Variants in CDC27 observed in about 807,000 individuals in gnomAD.
The protein encoded by CDC27 is cell division cycle protein 27 homolog.
A neutral mutation model predicts 109.7 loss-of-function variants in CDC27; 27 were observed. That is an observed-to-expected ratio of 0.25 (90% CI 0.18 to 0.34). The LOEUF is 0.34. CDC27 is among the 10% of genes least tolerant of loss of function. CDC27 has a pLI of 1.00. For synonymous variants in CDC27, 266 were observed against 333.9 expected (o/e 0.80, Z 2.22); for missense variants, 579 against 960.2 (o/e 0.60, Z 5.25).
In CDC27 at chr17:47,181,613, G is replaced by A. The variant is rs1208260657; in HGVS notation, c.52C>T (p.His18Tyr). ...AAAACCGCATCTCGGTAAGCATAGTGGTTTAGTGCTTGCCATATAGCAGCC... is the reference window on the plus strand; with the variant it reads ...AAAACCGCATCTCGGTAAGCATAGTAGTTTAGTGCTTGCCATATAGCAGCC... ...VQAAIWQALN[H>Y]YAYRDAVFLA... Residue 18 changes from histidine to tyrosine, a missense_variant, in exon 2 of 19, where the codon CAC (histidine) becomes TAC (tyrosine). By Grantham distance (83) the His-to-Tyr change is moderately conservative. Coordinates refer to ENST00000066544, the MANE Select transcript of CDC27 (RefSeq NM_001256.6). 1 of 1,606,404 alleles carries A rather than the reference G, an allele frequency of 6.2e-7. No homozygotes were observed. Among genetic ancestry groups the A allele is most frequent in the South Asian group, 1.1e-5 (1 of 90,308 alleles).
intron 1 of CDC27, 43 bp downstream of exon 1, chr17:47,189,103 C>T: frequency 1.2e-6 from 2 of 1,605,668 alleles, no homozygotes; most frequent in Non-Finnish European, 1.7e-6. Context: ...TGCTTCCCGA[C>T]CGAGGCTGCC....
chr17:47,151,739 A>C, intron 9 of CDC27, 67 bp downstream of exon 9: 1 of 1,280,892 alleles, frequency 7.8e-7, no homozygotes, highest in South Asian at 1.7e-5. Flanking sequence ...CTATCTGCCT[A>C]AATTAAAGAA....
At chr17:47,163,471 TGC>T (rs1337402170) in intron 4 of CDC27, among the ~76,000 whole-genome samples, 1 of 152,110 alleles carries the variant, frequency 6.6e-6, no homozygotes, top group Non-Finnish European at 1.5e-5. Context: ...GAGGCTGAGG[TGC>T]CAGGACTGCT....
chr17:47,175,033 GAGAGAGAGGAAGGAAGGA>G, intron 2 of CDC27, among the ~76,000 whole-genome samples: 1 of 141,204 alleles, frequency 7.1e-6, no homozygotes, highest in South Asian at 2.3e-4. Flanking sequence ...GAGAGAAAGA[GAGAGAGAGGAAGGAAGGA>G]AGGAAGGAAG....
intron 4 of CDC27, among the ~76,000 whole-genome samples, chr17:47,165,358 T>C (rs2063612609): frequency 6.6e-6 from 1 of 152,228 alleles, no homozygotes; most frequent in Non-Finnish European, 1.5e-5. Context: ...CACTTGGTAT[T>C]GTCAGTAGTT....
At chr17:47,158,335 T>C (rs773522254) in intron 4 of CDC27, 32 bp from the exon 5 acceptor site, 8 of 1,164,752 alleles carry the variant, frequency 6.9e-6, no homozygotes, top group Non-Finnish European at 9.6e-6. Context: ...TTAAATAAGC[T>C]ACAAACCCCA....
chr17:47,158,060 TCTAA>T (rs2063372077), intron 5 of CDC27, 142 bp downstream of exon 5: 3 of 413,960 alleles, frequency 7.2e-6, no homozygotes, highest in Non-Finnish European at 1.3e-5. Flanking sequence ...TACCGAAGAT[TCTAA>T]CTTATTTTTT....
intron 12 of CDC27, 23 bp downstream of exon 12, chr17:47,141,830 A>G: frequency 6.7e-7 from 1 of 1,493,600 alleles, no homozygotes; most frequent in Non-Finnish European, 9.1e-7. Context: ...AGAAAGGCAT[A>G]TATAACCATT....
At position 47,138,692 on chromosome 17, in the gene CDC27, G is replaced by A. The variant is rs764245114; in HGVS notation, c.1704+47C>T. 88 of 1,336,330 alleles carry A rather than the reference G, an allele frequency of 6.6e-5. 2 individuals are homozygous for A. The Admixed American group carries it at 1.2e-3, about 18-fold the overall frequency. The allele number at this position is 1,336,330 out of a possible 1,614,324, so 82.8% of individuals were successfully genotyped here. A position where few individuals can be genotyped will look rare whatever the true frequency, so the allele number is the denominator to read the frequency against. ...CTTGGTTCATCTCTATCTGTTGAGG[G>A]TGATCAAAAAGGTAACTATATAAGC... On this transcript the variant is annotated intron_variant, in intron 13 of 18. Coordinates refer to ENST00000066544, the MANE Select transcript of CDC27 (RefSeq NM_001256.6).
At chr17:47,132,456 T>A in intron 14 of CDC27, 82 bp from the exon 15 acceptor site, 1 of 582,790 alleles carries the variant, frequency 1.7e-6, no homozygotes, top group Non-Finnish European at 2.9e-6. Context: ...AGAACAAGTA[T>A]AGAATCTGGC....
At chr17:47,144,816 G>A (rs1411273526) in intron 9 of CDC27, among the ~76,000 whole-genome samples, 3 of 151,632 alleles carry the variant, frequency 2.0e-5, no homozygotes, top group Admixed American at 6.6e-5. Context: ...CATCTTTTAC[G>A]ATATGTACAT....
rs1482063263 is a variant in CDC27 at position 47,157,110 on chromosome 17, C to T, written c.645G>A (p.Leu215=). 6.3e-7 allele frequency: 1 copy of T among 1,575,224 alleles called. No homozygotes were observed. Among genetic ancestry groups the T allele is most frequent in the African/African-American group, 1.4e-5 (1 of 73,438 alleles). ...ACTTTGAATTGGAAGATTCTAAATT[C>T]AATCTGTTTAATTCCTGAAACAGAA... The part of the protein sequence containing the change: ...TPQDTIELNR[L]NLESSNSKYS... Residue 215 remains leucine, a synonymous_variant, in exon 7 of 19, where the codon TTG becomes TTA. Coordinates refer to ENST00000066544, the MANE Select transcript of CDC27 (RefSeq NM_001256.6).
At chr17:47,166,435 C>T (rs2063649623) in intron 4 of CDC27, among the ~76,000 whole-genome samples, 1 of 152,090 alleles carries the variant, frequency 6.6e-6, no homozygotes, top group South Asian at 2.1e-4. Flanking sequence ...TTTCACTGTC[C>T]TCAGGGTAGG....
In CDC27 at chr17:47,119,028, C is replaced by A. The variant is rs2061931504; in HGVS notation, c.*1907G>T. On this transcript the variant is annotated 3_prime_UTR_variant, in exon 19 of 19. Coordinates refer to ENST00000066544, the MANE Select transcript of CDC27 (RefSeq NM_001256.6). Reference sequence around the variant, plus strand: ...TGTTCTAAGCTTAGCTTTCTCCAGGCTTTATAACGCAGAACTCAGGTTGAA... The same window carrying A: ...TGTTCTAAGCTTAGCTTTCTCCAGGATTTATAACGCAGAACTCAGGTTGAA... 1 of 152,176 alleles carries A rather than the reference C, an allele frequency of 6.6e-6. No individual in the cohort carries two copies. Among genetic ancestry groups the A allele is most frequent in the Non-Finnish European group, 1.5e-5 (1 of 68,030 alleles). The allele number at this position is 152,176 out of a possible 1,614,324, so 9.4% of individuals were successfully genotyped here.
chr17:47,154,022 G>C (rs2148905659), intron 8 of CDC27, among the ~76,000 whole-genome samples: 1 of 151,090 alleles, frequency 6.6e-6, no homozygotes, highest in South Asian at 2.1e-4. Context: ...CTGGGAGGTA[G>C]AGGCTACAGT....
chr17:47,176,556 T>C (rs950809949), intron 2 of CDC27, among the ~76,000 whole-genome samples: 1 of 152,004 alleles, frequency 6.6e-6, no homozygotes, highest in Non-Finnish European at 1.5e-5. Context: ...AGGCAGAAAA[T>C]GGCAATATAT....
chr17:47,149,144 A>T (rs2063072938), intron 9 of CDC27, among the ~76,000 whole-genome samples: 1 of 152,058 alleles, frequency 6.6e-6, no homozygotes, highest in Admixed American at 6.6e-5. Flanking sequence ...TCAAAAATAA[A>T]GATGAAATAA....
intron 16 of CDC27, among the ~76,000 whole-genome samples, chr17:47,127,135 T>C (rs2062166422): frequency 6.6e-6 from 1 of 152,086 alleles, no homozygotes; most frequent in Non-Finnish European, 1.5e-5. Flanking sequence ...ATAAAAAAAT[T>C]AGCTGAGCAT....
chr17:47,171,681 A>G (rs2063815812), intron 3 of CDC27, among the ~76,000 whole-genome samples: 1 of 152,230 alleles, frequency 6.6e-6, no homozygotes, highest in South Asian at 2.1e-4. Flanking sequence ...AGAAACCAAT[A>G]AGAATCGGTT....
Sources: allele counts gnomAD v4.1 joint callset (sites outside exome capture counted in the v4.1 genomes callset), GRCh38; gene constraint gnomAD v4.1.1; transcripts MANE v1.5; gene names NCBI Gene and HGNC (gene_info 2026-07-23, HGNC 2026-07-21).